NAV3: variants seen among roughly 807,000 people sequenced by gnomAD.
NAV3 encodes the protein neuron navigator 3.
NAV3 carries 87 observed loss-of-function variants against 244.7 expected under a neutral mutation model. The ratio of observed to expected loss-of-function variants is 0.36; its 90% CI spans 0.30 to 0.42. The LOEUF (loss-of-function observed/expected upper bound fraction) is 0.42. Ranked by LOEUF, NAV3 falls within the 20% of genes least tolerant of loss-of-function variation. The probability of loss-of-function intolerance (pLI) is 1.00; values close to 1 mark genes in which losing one functional copy is unlikely to be tolerated. For synonymous variants in NAV3, 1,126 were observed against 1,042.2 expected (o/e 1.08, Z -1.55); for missense variants, 2,663 against 2,893.3 (o/e 0.92, Z 1.83).
chr12:77,942,280 G>A (rs1348523913), intron 3 of NAV3, among the ~76,000 whole-genome samples: 1 of 152,152 alleles, frequency 6.6e-6, no homozygotes, highest in Non-Finnish European at 1.5e-5. Context: ...GCTGAGGCAG[G>A]AGAATCGCTT....
intron 2 of NAV3, among the ~76,000 whole-genome samples, chr12:77,794,783 A>G (rs1871332818): frequency 6.6e-6 from 1 of 152,186 alleles, no homozygotes; most frequent in Admixed American, 6.5e-5. Flanking sequence ...ATCTGTGATC[A>G]GTATCTTTTG....
intron 1 of NAV3, among the ~76,000 whole-genome samples, chr12:77,867,537 A>T (rs981895409): frequency 6.6e-6 from 1 of 152,014 alleles, no homozygotes; most frequent in Non-Finnish European, 1.5e-5. Flanking sequence ...CTCCTGCCTC[A>T]GCCTCCCAAG....
At chr12:77,994,757 T>G (rs1294050681) in intron 5 of NAV3, 46 bp from the exon 6 acceptor site, 2 of 1,483,800 alleles carry the variant, frequency 1.3e-6, no homozygotes, top group Admixed American at 3.8e-5. Flanking sequence ...TCCTTCCATG[T>G]TCAAAGAATC....
At chr12:77,620,773 G>T (rs1406076209) in intron 2 of NAV3, among the ~76,000 whole-genome samples, 1 of 151,988 alleles carries the variant, frequency 6.6e-6, no homozygotes, top group Admixed American at 6.6e-5. Context: ...TTCTTGTGCT[G>T]CTAGGAAAAA....
At chr12:77,866,198 A>T (rs1423215548) in intron 1 of NAV3, among the ~76,000 whole-genome samples, 1 of 152,238 alleles carries the variant, frequency 6.6e-6, no homozygotes, top group Non-Finnish European at 1.5e-5. Flanking sequence ...TTCAAAATTG[A>T]TAAAATATAA....
At chr12:77,776,322 T>G (rs1870353059) in intron 2 of NAV3, among the ~76,000 whole-genome samples, 1 of 152,196 alleles carries the variant, frequency 6.6e-6, no homozygotes, top group South Asian at 2.1e-4. Context: ...ACATGAAAAC[T>G]TAAATTTTTT....
intron 1 of NAV3, among the ~76,000 whole-genome samples, chr12:77,857,179 A>G (rs1436422427): frequency 6.6e-6 from 1 of 152,102 alleles, no homozygotes; most frequent in African/African-American, 2.4e-5. Flanking sequence ...ATGAGGGAGT[A>G]CACTTGAATA....
intron 12 of NAV3, among the ~76,000 whole-genome samples, chr12:78,113,599 G>A (rs1439002243): frequency 6.6e-6 from 1 of 152,052 alleles, no homozygotes; most frequent in African/African-American, 2.4e-5. Context: ...TGGGTTGCAG[G>A]GCACCAAGTC....
At chr12:77,814,726 A>C (rs1872460413) in intron 2 of NAV3, among the ~76,000 whole-genome samples, 1 of 152,136 alleles carries the variant, frequency 6.6e-6, no homozygotes, top group Non-Finnish European at 1.5e-5. Flanking sequence ...AACAACAAGC[A>C]AAAAGTAAAA....
intron 1 of NAV3, among the ~76,000 whole-genome samples, chr12:77,888,636 T>G (rs955492509): frequency 6.6e-6 from 1 of 152,204 alleles, no homozygotes; most frequent in Non-Finnish European, 1.5e-5. Context: ...ATGTCCCAAG[T>G]AAGTCTTTGG....
At chr12:78,147,136 G>C (rs557485482) in intron 21 of NAV3, among the ~76,000 whole-genome samples, 10 of 152,042 alleles carry the variant, frequency 6.6e-5, no homozygotes, top group African/African-American at 2.4e-4. Context: ...TATTTTATTA[G>C]CCTTTAAAAA....
intron 1 of NAV3, among the ~76,000 whole-genome samples, chr12:77,907,545 A>G (rs534075816): frequency 6.6e-6 from 1 of 152,274 alleles, no homozygotes; most frequent in African/African-American, 2.4e-5. Flanking sequence ...GGAAAAATGC[A>G]TGAACACTTT....
At chr12:77,866,112 T>C (rs1369267207) in intron 1 of NAV3, among the ~76,000 whole-genome samples, 1 of 152,132 alleles carries the variant, frequency 6.6e-6, no homozygotes, top group East Asian at 1.9e-4. Context: ...AGAAAATAAC[T>C]TTACAAAAAG....
chr12:78,059,981 GTC>G (rs1555271565), intron 12 of NAV3, among the ~76,000 whole-genome samples: 6 of 151,412 alleles, frequency 4.0e-5, no homozygotes, highest in African/African-American at 1.5e-4. Context: ...GTGTGTGTGT[GTC>G]TGTGTGTGTG....
intron 2 of NAV3, among the ~76,000 whole-genome samples, chr12:77,793,851 G>A (rs145413360): frequency 5.9e-5 from 9 of 152,272 alleles, no homozygotes; most frequent in African/African-American, 7.2e-5. Context: ...TAATGGGATC[G>A]CTGGGTCAAA....
Position 78,006,889 on chromosome 12 carries a change from G to T in NAV3, c.1351G>T (p.Ala451Ser), listed in dbSNP as rs1215249883. Residue 451 changes from alanine to serine, a missense_variant, in exon 8 of 40, where the codon GCT (alanine) becomes TCT (serine). Physicochemically the swap from Ala to Ser is moderately conservative, Grantham distance 99 (BLOSUM62 1). This residue lies in a region of NAV3 where 1,521 missense variants were observed against 1,497.0 expected (regional missense o/e 1.02). Coordinates refer to ENST00000397909, the MANE Select transcript of NAV3 (RefSeq NM_001024383.2). ...GTCACCTAAGTTGGCCCCTCCAAAA[G>T]CTGGAAGCAAAAATCTCAGCAATAA... Reference protein sequence around the residue: ...KVSPKLAPPKAGSKNLSNKKS... With the variant: ...KVSPKLAPPKSGSKNLSNKKS... The T allele has an allele frequency of 1.2e-6, 2 of 1,614,034 alleles. No individual in the cohort carries two copies. The highest frequency in any genetic ancestry group is 1.7e-6 in the Non-Finnish European group (2 of 1,180,014).
chr12:77,765,872 A>G (rs1869723668), intron 2 of NAV3, among the ~76,000 whole-genome samples: 1 of 152,178 alleles, frequency 6.6e-6, no homozygotes, highest in African/African-American at 2.4e-5. Flanking sequence ...TAACACAAAA[A>G]CAAGAAGAAA....
chr12:77,976,665 TCTTTTTTTC>T (rs750544386), intron 5 of NAV3, among the ~76,000 whole-genome samples: 1 of 103,414 alleles, frequency 9.7e-6, no homozygotes, highest in African/African-American at 3.7e-5. Flanking sequence ...TTTCTTTCTT[TCTTTTTTTC>T]TTTTTTTTTT....
intron 2 of NAV3, among the ~76,000 whole-genome samples, chr12:77,602,934 G>A (rs535872060): frequency 5.2e-4 from 79 of 152,166 alleles, no homozygotes; most frequent in Admixed American, 1.7e-3. Context: ...TTAATTCAGA[G>A]AATTGAATGA....
Sources: gnomAD v4.1 joint callset for allele counts (sites outside exome capture counted in the v4.1 genomes callset) on GRCh38, gnomAD v4.1.1 for gene constraint, gnomAD v4.1.1 regional missense constraint, MANE v1.5 for transcripts, NCBI Gene and HGNC (gene_info 2026-07-23, HGNC 2026-07-21) for gene names.